SOX6: variants seen among roughly 807,000 people sequenced by gnomAD.
SOX6 encodes SRY-box transcription factor 6.
Under a neutral mutation model 97.8 loss-of-function variants are expected in SOX6, and 11 were observed. The observed-to-expected ratio is 0.11, with a 90% CI of 0.07 to 0.19. SOX6 has a LOEUF of 0.19. Ranked by LOEUF, SOX6 falls within the 10% of genes least tolerant of loss-of-function variation. The pLI is 1.00. For missense variants in SOX6, 810 were observed against 1,039.5 expected, an observed-to-expected ratio of 0.78 and a Z score of 3.04; for synonymous variants, 360 against 371.4, an observed-to-expected ratio of 0.97 and a Z score of 0.35.
intron 6 of SOX6, among the ~76,000 whole-genome samples, chr11:16,136,338 T>G (rs1849960775): frequency 7.7e-6 from 1 of 129,572 alleles, no homozygotes; most frequent in East Asian, 2.3e-4. Context: ...ACATTGTGTG[T>G]GTGTGGTTTT....
At chr11:16,636,967 C>T (rs138653850) in intron 3 of SOX6, among the ~76,000 whole-genome samples, 1 of 152,242 alleles carries the variant, frequency 6.6e-6, no homozygotes, top group African/African-American at 2.4e-5. Context: ...GGGTATGTCC[C>T]TATAGCAGCC....
intron 6 of SOX6, among the ~76,000 whole-genome samples, chr11:16,153,840 C>G (rs1015518015): frequency 2.0e-5 from 3 of 151,128 alleles, no homozygotes; most frequent in African/African-American, 7.3e-5. Context: ...TTTTAAAAGT[C>G]AAAAATAAAA....
intron 1 of SOX6, among the ~76,000 whole-genome samples, chr11:16,349,074 G>T (rs1457670252): frequency 6.6e-6 from 1 of 151,982 alleles, no homozygotes; most frequent in Admixed American, 6.6e-5. Context: ...ATTTGACATG[G>T]TTCTCCCGCA....
intron 12 of SOX6, among the ~76,000 whole-genome samples, chr11:16,044,448 T>C (rs558863491): frequency 6.6e-6 from 1 of 152,282 alleles, no homozygotes; most frequent in East Asian, 1.9e-4. Context: ...TCCAGTTTAA[T>C]TGCACATTAT....
chr11:16,463,593 G>A (rs923779035), intron 1 of SOX6, among the ~76,000 whole-genome samples: 2 of 152,160 alleles, frequency 1.3e-5, no homozygotes, highest in African/African-American at 4.8e-5. Context: ...CTTAACACAA[G>A]CAGCAACTGT....
intron 4 of SOX6, among the ~76,000 whole-genome samples, chr11:16,204,511 G>A (rs954739931): frequency 6.6e-6 from 1 of 151,880 alleles, no homozygotes; most frequent in Admixed American, 6.6e-5. Flanking sequence ...TTGTTACAAA[G>A]GTCACTGCAT....
intron 6 of SOX6, among the ~76,000 whole-genome samples, chr11:16,166,233 A>G (rs1237386026): frequency 3.9e-5 from 6 of 152,228 alleles, no homozygotes; most frequent in Non-Finnish European, 7.3e-5. Context: ...GTAGGAATTT[A>G]ACAGCTGATT....
At chr11:16,479,990 T>A (rs1000188610), upstream of SOX6, among the ~76,000 whole-genome samples, 3 of 152,100 alleles carry the variant, frequency 2.0e-5, no homozygotes. Context: ...TACATACATA[T>A]AACACTACTC....
intron 4 of SOX6, among the ~76,000 whole-genome samples, chr11:16,206,857 T>C (rs1852085034): frequency 6.6e-6 from 1 of 152,122 alleles, no homozygotes; most frequent in East Asian, 1.9e-4. Context: ...CTCTGGAAAG[T>C]TGGAAATTCA....
chr11:16,387,437 A>G (rs1021987846), intron 1 of SOX6, among the ~76,000 whole-genome samples: 3 of 152,134 alleles, frequency 2.0e-5, no homozygotes, highest in African/African-American at 7.2e-5. Context: ...AGCTCAAACC[A>G]TTGAAAAATC....
chr11:16,401,189 T>G (rs1858548810), intron 1 of SOX6, among the ~76,000 whole-genome samples: 1 of 151,534 alleles, frequency 6.6e-6, no homozygotes, highest in Admixed American at 6.6e-5. Context: ...GTGTTTAAAT[T>G]GTAAATTATA....
chr11:16,546,224 C>CCCATGCTCA (rs1267991797), intron 4 of SOX6, among the ~76,000 whole-genome samples: 1 of 152,118 alleles, frequency 6.6e-6, no homozygotes, highest in African/African-American at 2.4e-5. Flanking sequence ...GGAAAGGCAT[C>CCCATGCTCA]CCATGCTCAT....
At chr11:16,487,261 G>T (rs567150381) in intron 4 of SOX6, among the ~76,000 whole-genome samples, 1 of 152,132 alleles carries the variant, frequency 6.6e-6, no homozygotes, top group Non-Finnish European at 1.5e-5. Flanking sequence ...TTAAGTCTTA[G>T]TTATTGCAGG....
rs557465752 is a variant in SOX6 at position 16,039,004 on chromosome 11, T to C, written c.1623+7510A>G. ...TTTTGTTTATGTTGTAGAAATACTG[T>C]GGCTGTTGTAACACATTTCCTTTTT... is the stretch of plus-strand genomic sequence containing the variant. On this transcript the variant is annotated intron_variant, in intron 12 of 15. Transcript: ENST00000683767. 1.4e-4 allele frequency among the ~76,000 whole-genome samples: 22 copies of C among 152,300 alleles called. No individual in the cohort carries two copies. In the East Asian group the frequency reaches 2.7e-3, roughly 19 times the overall value.
At position 16,174,300 on chromosome 11, in the gene SOX6, T is replaced by C. The variant is rs529475643; in HGVS notation, c.777+9586A>G. Among the ~76,000 whole-genome samples, 135 of 152,062 alleles carry C rather than the reference T, an allele frequency of 8.9e-4. 1 individual carries two copies. Among genetic ancestry groups the C allele is most frequent in the African/African-American group, 3.1e-3 (130 of 41,530 alleles). On this transcript the variant is annotated intron_variant, in intron 6 of 15. Transcript: ENST00000683767. ...CCAGACTACAACCTGACTGAGGATG[T>C]ACTCAACCCTTAATTCTGACTATGA...
chr11:16,580,824 T>G (rs1848025803), intron 4 of SOX6, among the ~76,000 whole-genome samples: 6 of 152,154 alleles, frequency 3.9e-5, no homozygotes, highest in Admixed American at 1.3e-4. Flanking sequence ...GACATTTATG[T>G]GGCCAACAAC....
chr11:16,574,093 T>C (rs755706251), intron 4 of SOX6, among the ~76,000 whole-genome samples: 3 of 152,162 alleles, frequency 2.0e-5, no homozygotes, highest in Non-Finnish European at 2.9e-5. Flanking sequence ...CAAACTAAAT[T>C]GAAAATCCCA....
intron 3 of SOX6, among the ~76,000 whole-genome samples, chr11:16,290,580 G>A (rs571491804): frequency 6.6e-6 from 1 of 152,022 alleles, no homozygotes; most frequent in Non-Finnish European, 1.5e-5. Flanking sequence ...AACGTGTTTT[G>A]TCATTTCTGA....
At chr11:16,138,323 A>G (rs2134034244) in intron 6 of SOX6, among the ~76,000 whole-genome samples, 1 of 152,288 alleles carries the variant, frequency 6.6e-6, no homozygotes, top group Non-Finnish European at 1.5e-5. Flanking sequence ...ATAAAGGTTA[A>G]GTCTAAAGAG....
Sources: allele counts gnomAD v4.1 joint callset (sites outside exome capture counted in the v4.1 genomes callset), GRCh38; gene constraint gnomAD v4.1.1; transcripts MANE v1.5; gene names NCBI Gene and HGNC (gene_info 2026-07-23, HGNC 2026-07-21).